RBFOX1: variants seen among roughly 807,000 people sequenced by gnomAD.
RBFOX1 encodes RNA binding protein fox-1 homolog 1.
RBFOX1 carries 8 observed loss-of-function variants against 57.7 expected under a neutral mutation model. That is an observed-to-expected ratio of 0.14 (90% CI 0.08 to 0.25). The LOEUF (loss-of-function observed/expected upper bound fraction) is 0.25, where lower values mean the gene tolerates loss of function less well. Ranked by LOEUF, RBFOX1 falls within the 10% of genes least tolerant of loss-of-function variation. The pLI is 1.00. For synonymous variants in RBFOX1, 326 were observed against 222.4 expected, an observed-to-expected ratio of 1.47 and a Z score of -4.15; for missense variants, 611 against 548.5, an observed-to-expected ratio of 1.11 and a Z score of -1.14.
chr16:5,555,731 C>T (rs760226037), intron 2 of RBFOX1, among the ~76,000 whole-genome samples: 2 of 151,692 alleles, frequency 1.3e-5, no homozygotes, highest in Non-Finnish European at 2.9e-5. Context: ...TTGAAAGACC[C>T]TCTCCCTCGG....
At chr16:5,449,446 GC>G (rs2068354511) in intron 1 of RBFOX1, among the ~76,000 whole-genome samples, 1 of 152,112 alleles carries the variant, frequency 6.6e-6, no homozygotes, top group Non-Finnish European at 1.5e-5. Flanking sequence ...TTCTTTGATT[GC>G]CATTGCCTCA....
At chr16:5,851,547 G>A (rs1485540040) in intron 3 of RBFOX1, among the ~76,000 whole-genome samples, 3 of 152,180 alleles carry the variant, frequency 2.0e-5, no homozygotes, top group Non-Finnish European at 2.9e-5. Context: ...AATAAGAAAA[G>A]CAAACGGTCA....
chr16:5,381,524 A>G lies in RBFOX1; in HGVS notation c.220-85692A>G, dbSNP rs1002290232. ...CTGGTGAAGCTGAGGCTGCAGGCCC[A>G]TAGACCACACTGGGTAGTGAGGATG... On this transcript the variant is annotated intron_variant, in intron 1 of 2. Transcript: ENST00000585867. 3.3e-5 allele frequency among the ~76,000 whole-genome samples: 5 copies of G among 152,170 alleles called. No individual in the cohort carries two copies. In the South Asian group the frequency reaches 6.2e-4, roughly 19 times the overall value.
At chr16:6,026,443 C>T (rs2095196161) in intron 1 of RBFOX1, among the ~76,000 whole-genome samples, 1 of 152,212 alleles carries the variant, frequency 6.6e-6, no homozygotes, top group Non-Finnish European at 1.5e-5. Flanking sequence ...AGGTAAGAGG[C>T]ACTTCCAAGA....
intron 14 of RBFOX1, among the ~76,000 whole-genome samples, chr16:7,679,840 C>T (rs1325384693): frequency 6.6e-6 from 1 of 151,890 alleles, no homozygotes; most frequent in Admixed American, 6.6e-5. Context: ...AGAGATTTCC[C>T]CAAAAGAAAA....
intron 3 of RBFOX1, among the ~76,000 whole-genome samples, chr16:5,706,920 G>T (rs944519378): frequency 5.3e-5 from 8 of 152,078 alleles, no homozygotes; most frequent in African/African-American, 1.9e-4. Flanking sequence ...CACTCTGTAG[G>T]TGGCCAGTAT....
chr16:5,900,858 C>G (rs1215192617), intron 4 of RBFOX1, among the ~76,000 whole-genome samples: 1 of 152,250 alleles, frequency 6.6e-6, no homozygotes, highest in Non-Finnish European at 1.5e-5. Flanking sequence ...GGCCCCAGAG[C>G]CCCTATTCCA....
At chr16:6,844,350 T>G (rs1166317583) in intron 3 of RBFOX1, among the ~76,000 whole-genome samples, 1 of 152,138 alleles carries the variant, frequency 6.6e-6, no homozygotes, top group Non-Finnish European at 1.5e-5. Context: ...ATGCTCTCTT[T>G]CCTTCCCCTC....
At chr16:6,748,552 G>T (rs922125100) in intron 3 of RBFOX1, among the ~76,000 whole-genome samples, 5 of 152,122 alleles carry the variant, frequency 3.3e-5, no homozygotes, top group Admixed American at 6.6e-5. Context: ...TGTAGTCCCA[G>T]CTTGGGAGGC....
At chr16:6,806,034 A>G (rs541257140) in intron 3 of RBFOX1, among the ~76,000 whole-genome samples, 1 of 152,326 alleles carries the variant, frequency 6.6e-6, no homozygotes, top group East Asian at 1.9e-4. Context: ...AATATTTGCT[A>G]GTTGCAGCTC....
At chr16:6,647,259 T>G (rs1467139189) in intron 2 of RBFOX1, among the ~76,000 whole-genome samples, 1 of 152,146 alleles carries the variant, frequency 6.6e-6, no homozygotes, top group African/African-American at 2.4e-5. Context: ...TTATTTTATT[T>G]TTGAGATGGA....
intron 1 of RBFOX1, among the ~76,000 whole-genome samples, chr16:5,373,770 A>C (rs1291189517): frequency 6.6e-6 from 1 of 151,666 alleles, no homozygotes; most frequent in East Asian, 1.9e-4. Context: ...CACCCAGCTA[A>C]TTTTTGCACT....
chr16:7,288,251 C>G (rs568479195), intron 4 of RBFOX1, among the ~76,000 whole-genome samples: 8 of 152,306 alleles, frequency 5.3e-5, no homozygotes, highest in African/African-American at 1.9e-4. Flanking sequence ...TCTCAGAGAA[C>G]TCTCACATCA....
At chr16:6,052,121 G>C (rs1213786130) in intron 1 of RBFOX1, among the ~76,000 whole-genome samples, 1 of 152,124 alleles carries the variant, frequency 6.6e-6, no homozygotes, top group East Asian at 1.9e-4. Flanking sequence ...GTTCAGAAAT[G>C]TTCTGTGGCT....
chr16:7,061,152 C>G (rs1012462828), intron 4 of RBFOX1, among the ~76,000 whole-genome samples: 3 of 152,128 alleles, frequency 2.0e-5, no homozygotes, highest in Non-Finnish European at 4.4e-5. Context: ...GAGTTTGCCC[C>G]AAAGTAATTA....
At chr16:7,282,697 G>A (rs2095570118) in intron 4 of RBFOX1, among the ~76,000 whole-genome samples, 1 of 152,222 alleles carries the variant, frequency 6.6e-6, no homozygotes. Flanking sequence ...AGTATACACT[G>A]CACCCAGTTT....
chr16:5,631,533 G>A (rs2048506657), intron 3 of RBFOX1, among the ~76,000 whole-genome samples: 1 of 151,612 alleles, frequency 6.6e-6, no homozygotes, highest in African/African-American at 2.4e-5. Flanking sequence ...CTCCAGCCTG[G>A]TGACAGACCG....
intron 2 of RBFOX1, among the ~76,000 whole-genome samples, chr16:6,553,273 C>T (rs1400734346): frequency 6.6e-6 from 1 of 152,200 alleles, no homozygotes; most frequent in East Asian, 1.9e-4. Flanking sequence ...ATGAAGTTGC[C>T]ACCGATTTAG....
intron 4 of RBFOX1, among the ~76,000 whole-genome samples, chr16:7,162,116 T>A (rs1601514237): frequency 6.6e-6 from 1 of 152,300 alleles, no homozygotes; most frequent in East Asian, 1.9e-4. Context: ...GAAACCCCTC[T>A]AAGCTCCAAG....
Sources: gnomAD v4.1 joint callset for allele counts (sites outside exome capture counted in the v4.1 genomes callset) on GRCh38, gnomAD v4.1.1 for gene constraint, MANE v1.5 for transcripts, NCBI Gene and HGNC (gene_info 2026-07-23, HGNC 2026-07-21) for gene names.